Variants in HDAC9 observed in about 807,000 individuals in gnomAD.
HDAC9 encodes MEF-2 interacting transcription repressor (MITR) protein.
HDAC9 carries 41 observed loss-of-function variants against 139.4 expected under a neutral mutation model. The ratio of observed to expected loss-of-function variants is 0.29; its 90% CI spans 0.23 to 0.38. The LOEUF (loss-of-function observed/expected upper bound fraction) is 0.38, where lower values mean the gene tolerates loss of function less well. Ranked by LOEUF, HDAC9 falls within the 10% of genes least tolerant of loss-of-function variation. The pLI is 1.00. For synonymous variants in HDAC9, 517 were observed against 476.2 expected, an observed-to-expected ratio of 1.09 and a Z score of -1.12; for missense variants, 1,147 against 1,297.0, an observed-to-expected ratio of 0.88 and a Z score of 1.78.
At chr7:18,490,419 A>G (rs188486802) in intron 1 of HDAC9, among the ~76,000 whole-genome samples, 6 of 152,164 alleles carry the variant, frequency 3.9e-5, no homozygotes, top group African/African-American at 1.4e-4. Flanking sequence ...CAATGATTCT[A>G]AAGTTTTTGT....
intron 18 of HDAC9, 31 bp from the exon 19 acceptor site, chr7:18,829,430 T>C (rs752615532): frequency 6.7e-7 from 1 of 1,488,502 alleles, no homozygotes; most frequent in South Asian, 1.2e-5. Flanking sequence ...TGATTTGCTT[T>C]CTTATTTCTC....
chr7:18,305,080 CCTT>C (rs1440348201), intron 1 of HDAC9, among the ~76,000 whole-genome samples: 2 of 152,116 alleles, frequency 1.3e-5, no homozygotes, highest in Admixed American at 1.3e-4. Context: ...GGCAGGAAGA[CCTT>C]CTCTGACCCA....
At chr7:18,422,141 T>C (rs1218169537) in intron 1 of HDAC9, among the ~76,000 whole-genome samples, 1 of 152,212 alleles carries the variant, frequency 6.6e-6, no homozygotes, top group Non-Finnish European at 1.5e-5. Context: ...TTCTAGTTTA[T>C]TCTCCCTCCA....
intron 2 of HDAC9, among the ~76,000 whole-genome samples, chr7:18,200,921 G>A (rs1263118515): frequency 5.3e-5 from 8 of 152,106 alleles, no homozygotes; most frequent in East Asian, 1.9e-4. Context: ...ACTGATGTGC[G>A]TTTTCATTTT....
intron 1 of HDAC9, among the ~76,000 whole-genome samples, chr7:18,475,485 T>C (rs1430408252): frequency 6.6e-6 from 1 of 152,212 alleles, no homozygotes; most frequent in Non-Finnish European, 1.5e-5. Flanking sequence ...ACTTTTATTA[T>C]TGTAGAAAGA....
chr7:18,911,279 G>C (rs1802716099), intron 22 of HDAC9, among the ~76,000 whole-genome samples: 1 of 151,328 alleles, frequency 6.6e-6, no homozygotes, highest in Non-Finnish European at 1.5e-5. Flanking sequence ...TTGTACAGTT[G>C]GTGTCAGTTG....
At chr7:18,495,495 A>G (rs899388718), upstream of HDAC9, among the ~76,000 whole-genome samples, 4 of 152,096 alleles carry the variant, frequency 2.6e-5, no homozygotes, top group Non-Finnish European at 1.5e-5. Context: ...GAGAGAGGAA[A>G]GAGTTAATTG....
chr7:18,780,131 G>A (rs1022172325), intron 16 of HDAC9, among the ~76,000 whole-genome samples: 1 of 151,894 alleles, frequency 6.6e-6, no homozygotes, highest in Non-Finnish European at 1.5e-5. Flanking sequence ...CTCATCCGTG[G>A]ACCACATTTT....
chr7:18,653,389 TTTCTTTCTTGCTTGCTCGCTTG>T, intron 11 of HDAC9, among the ~76,000 whole-genome samples: 1 of 152,178 alleles, frequency 6.6e-6, no homozygotes, highest in Non-Finnish European at 1.5e-5. Flanking sequence ...TCCCTTTCTT[TTTCTTTCTTGCTTGCTCGCTTG>T]TTCTCTTGCT....
At chr7:18,851,931 G>A (rs1289926320) in intron 21 of HDAC9, among the ~76,000 whole-genome samples, 2 of 152,166 alleles carry the variant, frequency 1.3e-5, no homozygotes, top group Non-Finnish European at 2.9e-5. Flanking sequence ...ACTCAGCAAT[G>A]CCTTCTTCGC....
intron 1 of HDAC9, among the ~76,000 whole-genome samples, chr7:18,144,318 T>C (rs1427334650): frequency 6.6e-6 from 1 of 152,210 alleles, no homozygotes; most frequent in Non-Finnish European, 1.5e-5. Context: ...TTCCTCATTC[T>C]TTGTTCCTGA....
intron 25 of HDAC9, among the ~76,000 whole-genome samples, chr7:18,978,096 G>A (rs1037586737): frequency 6.6e-6 from 1 of 152,122 alleles, no homozygotes; most frequent in African/African-American, 2.4e-5. Context: ...ACGTTTCTGG[G>A]CTTTTCTTAT....
chr7:18,393,956 T>G (rs1357215331), intron 1 of HDAC9, among the ~76,000 whole-genome samples: 1 of 152,202 alleles, frequency 6.6e-6, no homozygotes, highest in Non-Finnish European at 1.5e-5. Flanking sequence ...CATAGACATG[T>G]CTCAGTGAAG....
intron 6 of HDAC9, among the ~76,000 whole-genome samples, chr7:18,608,414 CT>C (rs1157444215): frequency 1.3e-5 from 2 of 152,058 alleles, no homozygotes; most frequent in Non-Finnish European, 2.9e-5. Context: ...TATCAGCCTC[CT>C]GTTTTATAGA....
chr7:18,147,861 T>C (rs1562675114), intron 1 of HDAC9, among the ~76,000 whole-genome samples: 1 of 152,186 alleles, frequency 6.6e-6, no homozygotes, highest in Non-Finnish European at 1.5e-5. Flanking sequence ...TTTTTGATTT[T>C]ATTATGTCAT....
intron 22 of HDAC9, among the ~76,000 whole-genome samples, chr7:18,931,141 T>A (rs936232881): frequency 2.5e-4 from 38 of 152,234 alleles, no homozygotes; most frequent in African/African-American, 9.2e-4. Context: ...CAGAAATGTG[T>A]CCTTACCTAT....
At chr7:18,335,839 T>C (rs1585232439) in intron 1 of HDAC9, among the ~76,000 whole-genome samples, 2 of 151,378 alleles carry the variant, frequency 1.3e-5, no homozygotes, top group South Asian at 4.2e-4. Context: ...GATGCAATGG[T>C]GGGGAAGTGA....
intron 23 of HDAC9, among the ~76,000 whole-genome samples, chr7:18,943,368 A>G (rs1337089693): frequency 2.6e-5 from 4 of 152,082 alleles, no homozygotes; most frequent in Non-Finnish European, 5.9e-5. Flanking sequence ...AATCTGAATC[A>G]TCCAACAAAT....
chr7:18,836,073 G>C, intron 21 of HDAC9, 76 bp downstream of exon 21: 1 of 763,690 alleles, frequency 1.3e-6, no homozygotes, highest in South Asian at 1.8e-5. Flanking sequence ...ATATGGAAGA[G>C]AAATGTAAAT....
Sources: gnomAD v4.1 joint callset for allele counts (sites outside exome capture counted in the v4.1 genomes callset) on GRCh38, gnomAD v4.1.1 for gene constraint, MANE v1.5 for transcripts, NCBI Gene and HGNC (gene_info 2026-07-23, HGNC 2026-07-21) for gene names.